RNF19B: variants seen among roughly 807,000 people sequenced by gnomAD.
The protein encoded by RNF19B is ring finger protein 19B.
A neutral mutation model predicts 65.5 loss-of-function variants in RNF19B; 23 were observed. That is an observed-to-expected ratio of 0.35 (90% CI 0.25 to 0.50). The LOEUF is 0.50. Among genes scored for constraint, RNF19B ranks in the 20% least tolerant of loss-of-function variants. The pLI is 0.98. For synonymous variants in RNF19B, 372 were observed against 379.6 expected (o/e 0.98, Z 0.23); for missense variants, 794 against 980.0 (o/e 0.81, Z 2.53).
chr1:32,949,817 A>G (rs1191726307), intron 1 of RNF19B, 43 bp from the exon 2 acceptor site: 3 of 1,467,350 alleles, frequency 2.0e-6, no homozygotes, highest in African/African-American at 2.8e-5. Flanking sequence ...GGTAAGAATG[A>G]TCTAACCAAA....
Position 32,948,209 on chromosome 1 carries a change from T to C in RNF19B, c.983+13A>G, listed in dbSNP as rs1481740080. 2 of 1,613,290 alleles carry C rather than the reference T, an allele frequency of 1.2e-6. No individual in the cohort carries two copies. Among genetic ancestry groups the C allele is most frequent in the Non-Finnish European group, 1.7e-6 (2 of 1,179,540 alleles). On this transcript the variant is annotated intron_variant, in intron 3 of 8. Transcript: ENST00000235150. ...TGAGACTACGAAAGGAATGGATGCA[T>C]TTCCCATCTTACCTGAGGTAATGCA...
In RNF19B at chr1:32,936,573, ATAAAT is replaced by A. The variant is rs1642102379; in HGVS notation, c.*228_*232del. ...TGGATTGCTGCCATCAGTTTAACCA[ATAAAT>A]TAAAACTAAAAAGAGGGAGGGGAGG... On this transcript the variant is annotated 3_prime_UTR_variant, in exon 9 of 9. Transcript: ENST00000235150. The A allele has an allele frequency of 2.2e-6, 1 of 452,156 alleles. No homozygotes were observed. Among genetic ancestry groups the A allele is most frequent in the African/African-American group, 2.0e-5 (1 of 50,824 alleles). The allele number at this position is 452,156 out of a possible 1,614,324, so 28.0% of individuals were successfully genotyped here.
At position 32,937,094 on chromosome 1, in the gene RNF19B, G is replaced by A; in HGVS notation, c.1908C>T (p.Cys636=). ...GGGGSEEDPP[C]RHQSCEQKDC... is the part of the protein sequence containing the mutation. The stretch of plus-strand genomic sequence containing the variant: ...CTTTCTGTTCACAGCTTTGGTGTCT[G>A]CAGGGGGGATCCTCTTCACTGCCTC... The change falls in exon 9 of 9, where the codon TGC becomes TGT. Residue 636 remains cysteine, a synonymous_variant. Transcript: ENST00000235150. 1 of 1,614,172 alleles carries A rather than the reference G, an allele frequency of 6.2e-7. No individual in the cohort carries two copies. The highest frequency in any genetic ancestry group is 8.5e-7 in the Non-Finnish European group (1 of 1,180,040).
Position 32,942,314 on chromosome 1 carries a change from T to G in RNF19B, c.1548A>C (p.Ala516=), listed in dbSNP as rs757388727. The G allele has an allele frequency of 6.2e-7, 1 of 1,614,160 alleles. No homozygotes were observed. The highest frequency in any genetic ancestry group is 8.5e-7 in the Non-Finnish European group (1 of 1,179,970). ...QGPYSETASF[A]ALSGGTLSGG... ...CACTCAGCGTGCCCCCTGAGAGGGC[T>G]GCAAAGCTGGCCGTTTCGCTGTAAG... The change falls in exon 7 of 9, where the codon GCA becomes GCC. Residue 516 remains alanine (A), a synonymous_variant. Coordinates refer to ENST00000235150, the MANE Select transcript of RNF19B (RefSeq NM_001300826.2).
At chr1:32,961,942 T>C (rs1167533885) in intron 1 of RNF19B, among the ~76,000 whole-genome samples, 3 of 151,794 alleles carry the variant, frequency 2.0e-5, no homozygotes, top group African/African-American at 7.3e-5. Flanking sequence ...AAGGAGTTAA[T>C]GTACTATTCC....
At chr1:32,944,199 TTGCAAG>T in intron 5 of RNF19B, 40 bp from the exon 6 acceptor site, 1 of 1,575,918 alleles carries the variant, frequency 6.3e-7, no homozygotes. Flanking sequence ...GGCTATTAGG[TTGCAAG>T]TGCCCTGAAT....
At chr1:32,956,704 A>G (rs1285547955) in intron 1 of RNF19B, among the ~76,000 whole-genome samples, 1 of 152,096 alleles carries the variant, frequency 6.6e-6, no homozygotes, top group African/African-American at 2.4e-5. Flanking sequence ...ATAAAGTGAC[A>G]AGCTAGACCA....
In RNF19B at chr1:32,936,597, G is replaced by A; in HGVS notation, c.*209C>T. 1 of 486,978 alleles carries A rather than the reference G, an allele frequency of 2.1e-6. No homozygotes were observed. Among genetic ancestry groups the A allele is most frequent in the South Asian group, 4.3e-5 (1 of 23,026 alleles). 30.2% of individuals were successfully genotyped at this position (486,978 alleles called of 1,614,324 possible). On this transcript the variant is annotated 3_prime_UTR_variant, in exon 9 of 9. Coordinates refer to ENST00000235150, the MANE Select transcript of RNF19B (RefSeq NM_001300826.2). ...AATAAATTAAAACTAAAAAGAGGGA[G>A]GGGAGGGGAGGGGAACTAACGGCAA...
Position 32,964,329 on chromosome 1 carries a change from A to T in RNF19B, c.357T>A (p.Cys119Ter). The change falls in exon 1 of 9, where the codon TGT becomes TGA. Residue 119 changes from cysteine to a stop codon, truncating the protein, a stop_gained. Transcript: ENST00000235150. LOFTEE classifies it high-confidence loss of function. This position sits in a 1 kb window ranked among gnomAD's most constrained non-coding sequence, Gnocchi z 6.5. ...GGGPGAEEVE[C>*]PLCLVRLPPE... is the part of the protein sequence containing the mutation. ...GCGGCAGCCGCACCAGGCACAGCGG[A>T]CACTCCACCTCCTCCGCGCCCGGGC... The T allele has an allele frequency of 2.0e-6, 3 of 1,495,954 alleles. No individual in the cohort carries two copies. Among genetic ancestry groups the T allele is most frequent in the Non-Finnish European group, 2.7e-6 (3 of 1,129,432 alleles). 92.7% of individuals were successfully genotyped at this position (1,495,954 alleles called of 1,614,324 possible). A position where few individuals can be genotyped will look rare whatever the true frequency, so the allele number is the denominator to read the frequency against.
chr1:32,951,649 G>C lies in RNF19B; in HGVS notation c.636-1875C>G, dbSNP rs141811453. Among the ~76,000 whole-genome samples the C allele has an allele frequency of 2.2e-3, 332 of 152,266 alleles. 1 individual carries two copies. The highest frequency in any genetic ancestry group is 7.5e-3 in the African/African-American group (312 of 41,552). ...AAGACTTATGATCAGCATCCCTCTT[G>C]AAAGCTCATCTTATCTTTCCATACT... On this transcript the variant is annotated intron_variant, in intron 1 of 8. Transcript: ENST00000235150.
At position 32,964,743 on chromosome 1, in the gene RNF19B, C is replaced by G. The variant is rs1396136189; in HGVS notation, c.-58G>C. The G allele has an allele frequency of 2.0e-5, 27 of 1,317,768 alleles. No individual in the cohort carries two copies. In the East Asian group the frequency reaches 6.0e-4, roughly 29 times the overall value. 81.6% of individuals were successfully genotyped at this position (1,317,768 alleles called of 1,614,324 possible). On this transcript the variant is annotated 5_prime_UTR_variant, in exon 1 of 9. Coordinates refer to ENST00000235150, the MANE Select transcript of RNF19B (RefSeq NM_001300826.2). The surrounding 1 kb of genome is among the most constrained non-coding windows in gnomAD (Gnocchi z 6.5). ...AGCGCCGCCACAGCTCCCGCCTCAG[C>G]GCCCCTCAGCCAGCGCCCGGCCGCC... is the stretch of plus-strand genomic sequence containing the variant.
Position 32,938,140 on chromosome 1 carries a change from C to CAAA in RNF19B, c.1742+254_1742+256dup, listed in dbSNP as rs80176999. Among the ~76,000 whole-genome samples the CAAA allele has an allele frequency of 5.0e-3, 229 of 46,038 alleles. 3 individuals carry two copies. The highest frequency in any genetic ancestry group is 0.016 in the African/African-American group (187 of 11,724). 30.2% of individuals were successfully genotyped at this position (46,038 alleles called of 152,430 possible). Reference sequence around the variant, plus strand: ...ACACTGTTGCAATAGCCAAGAAAGACAAAAAAAAAAAAAAAAAAAAGAAAA... The same window carrying CAAA: ...ACACTGTTGCAATAGCCAAGAAAGACAAAAAAAAAAAAAAAAAAAAAAAGAAAA... On this transcript the variant is annotated intron_variant, in intron 8 of 8. Transcript: ENST00000235150.
At chr1:32,929,500 A>G in the RNF19B span, among the ~76,000 whole-genome samples, 1 of 152,194 alleles carries the variant, frequency 6.6e-6, no homozygotes, top group Non-Finnish European at 1.5e-5. Flanking sequence ...AGGTCTCAGC[A>G]TTTGTGCTGG....
downstream of RNF19B, among the ~76,000 whole-genome samples, chr1:32,934,973 A>T (rs1009641066): frequency 2.2e-5 from 3 of 139,516 alleles, no homozygotes; most frequent in African/African-American, 8.1e-5. Flanking sequence ...GCTGGACTAC[A>T]GGTGTGCGCC....
At chr1:32,942,490 ACAG>A in intron 6 of RNF19B, 31 bp from the exon 7 acceptor site, 1 of 1,580,730 alleles carries the variant, frequency 6.3e-7, no homozygotes, top group Non-Finnish European at 8.7e-7. Context: ...CCAATTCAAG[ACAG>A]CAGAGCATCA....
At chr1:32,953,881 CA>C (rs1255139541) in intron 1 of RNF19B, among the ~76,000 whole-genome samples, 2 of 147,212 alleles carry the variant, frequency 1.4e-5, no homozygotes, top group Non-Finnish European at 3.0e-5. Context: ...TGTTTATTAA[CA>C]TTCCCCCAGC....
chr1:32,940,240 A>G (rs1022096059), intron 7 of RNF19B, among the ~76,000 whole-genome samples: 2 of 152,184 alleles, frequency 1.3e-5, no homozygotes, highest in African/African-American at 4.8e-5. Flanking sequence ...GGTTCATGCA[A>G]CGGCTGTGCT....
chr1:32,956,409 GT>G (rs1642640469), intron 1 of RNF19B, among the ~76,000 whole-genome samples: 1 of 151,538 alleles, frequency 6.6e-6, no homozygotes, highest in South Asian at 2.1e-4. Context: ...TTAGCCGAGT[GT>G]GGTGGGGCGC....
intron 1 of RNF19B, among the ~76,000 whole-genome samples, chr1:32,952,447 A>C (rs980912852): frequency 2.0e-5 from 3 of 148,518 alleles, no homozygotes; most frequent in Admixed American, 6.7e-5. Context: ...AAAAAAAAAA[A>C]AAAAAAAAAA....
Sources: allele counts gnomAD v4.1 joint callset (sites outside exome capture counted in the v4.1 genomes callset), GRCh38; gene constraint gnomAD v4.1.1; non-coding constraint Gnocchi (gnomAD v3.1); transcripts MANE v1.5; gene names NCBI Gene and HGNC (gene_info 2026-07-23, HGNC 2026-07-21).